LRP1B: variants seen among roughly 807,000 people sequenced by gnomAD.
LRP1B encodes the protein low-density lipoprotein receptor-related protein 1B.
A neutral mutation model predicts 556.6 loss-of-function variants in LRP1B; 217 were observed. The ratio of observed to expected loss-of-function variants is 0.39; its 90% CI spans 0.35 to 0.44. The LOEUF (loss-of-function observed/expected upper bound fraction) is 0.44, where lower values mean the gene tolerates loss of function less well. Among genes scored for constraint, LRP1B ranks in the 20% least tolerant of loss-of-function variants. The pLI is 1.00. For synonymous variants in LRP1B, 2,047 were observed against 1,865.8 expected, an observed-to-expected ratio of 1.10 and a Z score of -2.50; for missense variants, 5,053 against 5,620.8, an observed-to-expected ratio of 0.90 and a Z score of 3.23.
intron 17 of LRP1B, among the ~76,000 whole-genome samples, chr2:140,985,358 C>A (rs2105347511): frequency 6.7e-6 from 1 of 150,078 alleles, no homozygotes; most frequent in African/African-American, 2.5e-5. Context: ...TTTTTAAAAT[C>A]AATTATACTT....
At chr2:140,839,720 T>A (rs1383154440) in intron 31 of LRP1B, among the ~76,000 whole-genome samples, 1 of 152,170 alleles carries the variant, frequency 6.6e-6, no homozygotes, top group African/African-American at 2.4e-5. Flanking sequence ...AGATGGCCTA[T>A]TGTGGGACTT....
At chr2:141,866,934 C>T (rs1383847132) in intron 1 of LRP1B, among the ~76,000 whole-genome samples, 1 of 152,050 alleles carries the variant, frequency 6.6e-6, no homozygotes, top group Admixed American at 6.5e-5. Context: ...GAAGATTTGA[C>T]CCAAACTCAG....
chr2:141,116,223 C>A (rs1326330663), intron 7 of LRP1B, among the ~76,000 whole-genome samples: 1 of 152,062 alleles, frequency 6.6e-6, no homozygotes, highest in Non-Finnish European at 1.5e-5. Context: ...ATATTAAAAT[C>A]TGTAACAATT....
chr2:140,732,179 CT>C (rs1003912238), intron 35 of LRP1B, among the ~76,000 whole-genome samples: 14 of 146,100 alleles, frequency 9.6e-5, no homozygotes, highest in Non-Finnish European at 1.1e-4. Flanking sequence ...CTTCTCTCTA[CT>C]TTTTTTTTTA....
chr2:140,510,712 T>C (rs1339225994), intron 51 of LRP1B, among the ~76,000 whole-genome samples: 1 of 152,180 alleles, frequency 6.6e-6, no homozygotes, highest in East Asian at 1.9e-4. Flanking sequence ...GCACGTTCCA[T>C]TTTTTTCATG....
At chr2:141,854,515 A>T (rs888297074) in intron 1 of LRP1B, among the ~76,000 whole-genome samples, 4 of 152,128 alleles carry the variant, frequency 2.6e-5, no homozygotes, top group African/African-American at 9.7e-5. Context: ...ACGCAGGCAC[A>T]TCATAAAGTT....
intron 9 of LRP1B, among the ~76,000 whole-genome samples, chr2:141,058,603 G>T (rs1558831338): frequency 6.6e-6 from 1 of 151,706 alleles, no homozygotes; most frequent in Non-Finnish European, 1.5e-5. Context: ...TTAGCATCTG[G>T]GTTTCCTGTC....
At chr2:141,590,964 A>G (rs1486102683) in intron 2 of LRP1B, among the ~76,000 whole-genome samples, 2 of 152,152 alleles carry the variant, frequency 1.3e-5, no homozygotes, top group Admixed American at 6.5e-5. Flanking sequence ...GTCTTTGACA[A>G]GTTTTCCTCT....
At chr2:141,634,610 T>A (rs1487294748) in intron 2 of LRP1B, among the ~76,000 whole-genome samples, 1 of 152,044 alleles carries the variant, frequency 6.6e-6, no homozygotes, top group Non-Finnish European at 1.5e-5. Context: ...GACTGTGCTT[T>A]ATCTCACATT....
intron 43 of LRP1B, among the ~76,000 whole-genome samples, chr2:140,585,635 C>G (rs561672499): frequency 2.6e-5 from 4 of 152,006 alleles, no homozygotes; most frequent in Non-Finnish European, 4.4e-5. Flanking sequence ...TTTTTTGAAC[C>G]AGTCCAACAC....
At chr2:142,103,379 T>G (rs896431568) in intron 1 of LRP1B, among the ~76,000 whole-genome samples, 1 of 151,956 alleles carries the variant, frequency 6.6e-6, no homozygotes, top group Non-Finnish European at 1.5e-5. Context: ...TCAATTGTCC[T>G]TTGAATATAA....
intron 1 of LRP1B, among the ~76,000 whole-genome samples, chr2:142,126,553 C>T (rs1347119249): frequency 6.6e-6 from 1 of 151,854 alleles, no homozygotes; most frequent in Non-Finnish European, 1.5e-5. Context: ...AGGATTAATT[C>T]TACTTTCTTT....
intron 1 of LRP1B, among the ~76,000 whole-genome samples, chr2:141,880,760 G>C (rs1473162871): frequency 1.3e-5 from 2 of 152,062 alleles, no homozygotes; most frequent in Non-Finnish European, 2.9e-5. Context: ...AACAGTAAGA[G>C]AGCTAGTGAT....
At chr2:140,901,071 G>T (rs933779505) in intron 23 of LRP1B, among the ~76,000 whole-genome samples, 2 of 152,092 alleles carry the variant, frequency 1.3e-5, no homozygotes, top group East Asian at 1.9e-4. Context: ...ACATAGTAGG[G>T]GTTATAGTAG....
intron 83 of LRP1B, among the ~76,000 whole-genome samples, chr2:140,309,394 G>A (rs894657108): frequency 2.0e-5 from 3 of 151,716 alleles, no homozygotes; most frequent in African/African-American, 7.2e-5. Flanking sequence ...AAGCATTTTT[G>A]TCTTTTCTGT....
At chr2:141,510,807 C>G (rs1327639969) in intron 2 of LRP1B, among the ~76,000 whole-genome samples, 1 of 151,544 alleles carries the variant, frequency 6.6e-6, no homozygotes, top group Non-Finnish European at 1.5e-5. Flanking sequence ...TTTTCACCAT[C>G]CTTACATTAT....
intron 3 of LRP1B, among the ~76,000 whole-genome samples, chr2:141,435,569 C>T (rs976099981): frequency 3.3e-5 from 5 of 152,188 alleles, no homozygotes; most frequent in African/African-American, 1.2e-4. Context: ...TACCTTTCCC[C>T]TCAGGCATAA....
At chr2:140,993,037 C>T (rs536813561) in intron 16 of LRP1B, among the ~76,000 whole-genome samples, 2 of 151,924 alleles carry the variant, frequency 1.3e-5, no homozygotes, top group East Asian at 1.9e-4. Flanking sequence ...CCTGAAGCAT[C>T]GATGTTTGAA....
intron 2 of LRP1B, among the ~76,000 whole-genome samples, chr2:141,672,187 G>T (rs2105414385): frequency 6.6e-6 from 1 of 152,106 alleles, no homozygotes; most frequent in Non-Finnish European, 1.5e-5. Flanking sequence ...AAGATCTCAG[G>T]CAGCTTCTAC....
Sources: gnomAD v4.1 joint callset for allele counts (sites outside exome capture counted in the v4.1 genomes callset) on GRCh38, gnomAD v4.1.1 for gene constraint, MANE v1.5 for transcripts, NCBI Gene and HGNC (gene_info 2026-07-23, HGNC 2026-07-21) for gene names.